Variants in MRAS observed in about 807,000 individuals in gnomAD.
The protein encoded by MRAS is muscle RAS oncogene homolog, also known as ras-related protein M-Ras.
A neutral mutation model predicts 20.9 loss-of-function variants in MRAS; 4 were observed. That is an observed-to-expected ratio of 0.19 (90% CI 0.09 to 0.44). MRAS has a LOEUF of 0.44. MRAS is among the 20% of genes least tolerant of loss of function. MRAS has a pLI of 0.99. For synonymous variants in MRAS, 98 were observed against 102.9 expected, an observed-to-expected ratio of 0.95 and a Z score of 0.29; for missense variants, 154 against 277.5, an observed-to-expected ratio of 0.56 and a Z score of 3.16.
intron 2 of MRAS, among the ~76,000 whole-genome samples, chr3:138,380,438 G>A (rs575520718): frequency 6.6e-6 from 1 of 152,080 alleles, no homozygotes; most frequent in South Asian, 2.1e-4. Flanking sequence ...TCACCCTCCT[G>A]AGGAGCTGGG....
intron 1 of MRAS, among the ~76,000 whole-genome samples, chr3:138,353,586 T>C (rs2054271480): frequency 6.6e-6 from 1 of 152,172 alleles, no homozygotes; most frequent in Non-Finnish European, 1.5e-5. Context: ...ATGAGCAGCT[T>C]TACTTTCTTC....
rs1369403859 is a variant in MRAS at position 138,405,161 on chromosome 3, T to C, written c.*2892T>C. On this transcript the variant is annotated 3_prime_UTR_variant, in exon 6 of 6. Coordinates refer to ENST00000423968, the MANE Select transcript of MRAS (RefSeq NM_001085049.3). ...TAGGACTTTGCCCACCTCCTTCTCATGGCACTTGCTGTGGAAAATGCCTGG... is the reference window on the plus strand; with the variant it reads ...TAGGACTTTGCCCACCTCCTTCTCACGGCACTTGCTGTGGAAAATGCCTGG... 1 of 152,654 alleles carries C rather than the reference T, an allele frequency of 6.6e-6. No individual in the cohort carries two copies. The highest frequency in any genetic ancestry group is 2.4e-5 in the African/African-American group (1 of 41,464). The allele number at this position is 152,654 out of a possible 1,614,324, so 9.5% of individuals were successfully genotyped here.
chr3:138,393,527 T>G (rs905962019), intron 2 of MRAS, among the ~76,000 whole-genome samples: 1 of 152,208 alleles, frequency 6.6e-6, no homozygotes, highest in Non-Finnish European at 1.5e-5. Context: ...TGACTGTTTT[T>G]CCTTTCCATA....
intron 1 of MRAS, among the ~76,000 whole-genome samples, chr3:138,352,497 ATTTTTTTGGTTATATG>A (rs1576335232): frequency 6.6e-6 from 1 of 152,110 alleles, no homozygotes; most frequent in East Asian, 1.9e-4. Flanking sequence ...TTATTATTTG[ATTTTTTTGGTTATATG>A]TTATATATAA....
At chr3:138,352,864 G>A (rs1243530769) in intron 1 of MRAS, among the ~76,000 whole-genome samples, 1 of 152,088 alleles carries the variant, frequency 6.6e-6, no homozygotes, top group Non-Finnish European at 1.5e-5. Flanking sequence ...TCTGGATCCT[G>A]TGCTGCCTGG....
At chr3:138,377,462 G>A (rs1035954878) in intron 2 of MRAS, among the ~76,000 whole-genome samples, 3 of 152,196 alleles carry the variant, frequency 2.0e-5, no homozygotes, top group African/African-American at 7.2e-5. Context: ...AAAAAAATTA[G>A]CCAGGCCTGG....
intron 2 of MRAS, among the ~76,000 whole-genome samples, chr3:138,390,912 T>C (rs1363178777): frequency 6.6e-6 from 1 of 152,276 alleles, no homozygotes; most frequent in African/African-American, 2.4e-5. Context: ...TCATTGAGAA[T>C]TGAAAATTTA....
intron 1 of MRAS, among the ~76,000 whole-genome samples, chr3:138,353,329 T>C (rs978125712): frequency 1.3e-5 from 2 of 152,120 alleles, no homozygotes; most frequent in African/African-American, 4.8e-5. Flanking sequence ...TAGACAAATA[T>C]GGCCCAAATG....
chr3:138,402,363 C>G lies in MRAS; in HGVS notation c.*94C>G, dbSNP rs780405384. 2 of 1,098,934 alleles carry G rather than the reference C, an allele frequency of 1.8e-6. No individual in the cohort carries two copies. The highest frequency in any genetic ancestry group is 4.8e-5 in the East Asian group (2 of 41,864). The allele number at this position is 1,098,934 out of a possible 1,614,324, so 68.1% of individuals were successfully genotyped here. Reference sequence around the variant, plus strand: ...CACTGAAACCATTTCTAACCACAACCCTTGGCCCAAGGACTTGGTACAGGA... The same window carrying G: ...CACTGAAACCATTTCTAACCACAACGCTTGGCCCAAGGACTTGGTACAGGA... On this transcript the variant is annotated 3_prime_UTR_variant, in exon 6 of 6. Transcript: ENST00000423968.
intron 2 of MRAS, among the ~76,000 whole-genome samples, chr3:138,374,138 T>A (rs2054733547): frequency 6.6e-6 from 1 of 151,974 alleles, no homozygotes; most frequent in African/African-American, 2.4e-5. Context: ...TTTTTTTGTA[T>A]TTTTAGTAGA....
chr3:138,386,352 GA>G (rs570268641), intron 2 of MRAS, among the ~76,000 whole-genome samples: 189 of 152,240 alleles, frequency 1.2e-3, no homozygotes, highest in African/African-American at 4.1e-3. Flanking sequence ...CATGGAAGCA[GA>G]ATGGGACGGC....
chr3:138,393,768 C>A (rs1306545600), intron 2 of MRAS, among the ~76,000 whole-genome samples: 1 of 152,092 alleles, frequency 6.6e-6, no homozygotes, highest in Non-Finnish European at 1.5e-5. Context: ...TGGCTCACTG[C>A]AACCTCTGCC....
At chr3:138,393,696 CT>C (rs1164188003) in intron 2 of MRAS, among the ~76,000 whole-genome samples, 13 of 128,874 alleles carry the variant, frequency 1.0e-4, no homozygotes, top group East Asian at 2.4e-4. Flanking sequence ...CTGCTTTTTT[CT>C]TTTTTTTTTG....
At chr3:138,387,599 T>C (rs1278207535) in intron 2 of MRAS, among the ~76,000 whole-genome samples, 1 of 152,192 alleles carries the variant, frequency 6.6e-6, no homozygotes, top group South Asian at 2.1e-4. Flanking sequence ...GGTTGCAAGG[T>C]GGAAGTGGGA....
intron 1 of MRAS, among the ~76,000 whole-genome samples, chr3:138,360,147 C>T (rs556072175): frequency 2.0e-5 from 3 of 152,334 alleles, no homozygotes; most frequent in East Asian, 1.9e-4. Context: ...TCTGCCGGCA[C>T]GTGCACGTGA....
intron 2 of MRAS, among the ~76,000 whole-genome samples, chr3:138,392,327 C>G (rs911940875): frequency 6.6e-6 from 1 of 152,126 alleles, no homozygotes; most frequent in South Asian, 2.1e-4. Context: ...TCCGCTTTAT[C>G]CTCCCAAAGT....
intron 2 of MRAS, among the ~76,000 whole-genome samples, chr3:138,395,080 A>G (rs1025537980): frequency 6.6e-5 from 10 of 150,728 alleles, no homozygotes; most frequent in African/African-American, 2.2e-4. Context: ...TGCTCTTATC[A>G]CCCAGGCTGG....
intron 1 of MRAS, 78 bp from the exon 2 acceptor site, chr3:138,372,787 TA>T: frequency 9.3e-7 from 1 of 1,077,344 alleles, no homozygotes; most frequent in Non-Finnish European, 1.3e-6. Context: ...TATTACTTTA[TA>T]AAGGAGGAAA....
chr3:138,369,996 G>A (rs1021260467), intron 1 of MRAS, among the ~76,000 whole-genome samples: 8 of 152,030 alleles, frequency 5.3e-5, no homozygotes, highest in South Asian at 2.1e-4. Context: ...TAGTTATGTC[G>A]CTGCCAGCAG....
Sources: allele counts gnomAD v4.1 joint callset (sites outside exome capture counted in the v4.1 genomes callset), GRCh38; gene constraint gnomAD v4.1.1; transcripts MANE v1.5; gene names NCBI Gene and HGNC (gene_info 2026-07-23, HGNC 2026-07-21).